Variants in SV2B observed in about 807,000 individuals in gnomAD.
SV2B encodes solute carrier family 22 member B2.
Under a neutral mutation model 73.9 loss-of-function variants are expected in SV2B, and 41 were observed. The ratio of observed to expected loss-of-function variants is 0.56; its 90% CI spans 0.43 to 0.72. The LOEUF (loss-of-function observed/expected upper bound fraction) is 0.72. Among genes scored for constraint, SV2B ranks in the 30% least tolerant of loss-of-function variants. The pLI is 0.00. For missense variants in SV2B, 764 were observed against 857.8 expected (o/e 0.89, Z 1.37); for synonymous variants, 314 against 314.2 (o/e 1.00, Z 0.01).
chr15:91,144,194 A>G (rs1401262003), intron 1 of SV2B, among the ~76,000 whole-genome samples: 3 of 152,256 alleles, frequency 2.0e-5, no homozygotes, highest in Non-Finnish European at 2.9e-5. Context: ...AGAGGAATCA[A>G]GATGAGACTC....
chr15:91,235,167 C>A (rs940874920), intron 2 of SV2B, among the ~76,000 whole-genome samples: 1 of 152,158 alleles, frequency 6.6e-6, no homozygotes, highest in Non-Finnish European at 1.5e-5. Flanking sequence ...TATGCAATTC[C>A]TAAACTAGTC....
intron 1 of SV2B, among the ~76,000 whole-genome samples, chr15:91,171,948 A>T (rs74038094): frequency 4.0e-5 from 6 of 151,898 alleles, no homozygotes; most frequent in Admixed American, 3.9e-4. Flanking sequence ...ACAGCAATCC[A>T]TATCACTCTG....
chr15:91,104,695 C>T (rs909735888), intron 1 of SV2B, among the ~76,000 whole-genome samples: 4 of 152,142 alleles, frequency 2.6e-5, no homozygotes, highest in Admixed American at 2.0e-4. Context: ...TGCAGTGGTG[C>T]GATCTCAGCT....
chr15:91,156,870 A>T (rs1807563193), intron 1 of SV2B, among the ~76,000 whole-genome samples: 1 of 152,164 alleles, frequency 6.6e-6, no homozygotes, highest in Non-Finnish European at 1.5e-5. Flanking sequence ...AGAACAATCT[A>T]CCTCCTTTTT....
Position 91,197,201 on chromosome 15 carries a change from TTG to T in SV2B, c.-391-28668_-391-28667del, listed in dbSNP as rs2045276431. ...AAATGCTGTGATCATTGTTTTGTTT[TTG>T]TGTTTTTTTTGTTTTTTGTTTTGTT... On this transcript the variant is annotated intron_variant, in intron 1 of 12. Coordinates refer to ENST00000394232, the MANE Select transcript of SV2B (RefSeq NM_001323032.3). This position sits in a 1 kb window ranked among gnomAD's most constrained non-coding sequence, Gnocchi z 4.9. Among the ~76,000 whole-genome samples, 2 of 151,360 alleles carry T rather than the reference TTG, an allele frequency of 1.3e-5. No individual in the cohort carries two copies. Among genetic ancestry groups the T allele is most frequent in the African/African-American group, 4.9e-5 (2 of 40,622 alleles).
At chr15:91,119,624 A>G (rs1044419799) in intron 1 of SV2B, among the ~76,000 whole-genome samples, 2 of 152,236 alleles carry the variant, frequency 1.3e-5, no homozygotes, top group Non-Finnish European at 2.9e-5. Flanking sequence ...ACAATTTGGA[A>G]AATAGGAAAA....
At chr15:91,188,918 C>G (rs184907880) in intron 1 of SV2B, among the ~76,000 whole-genome samples, 1 of 151,978 alleles carries the variant, frequency 6.6e-6, no homozygotes. Context: ...CCTCCGCCTC[C>G]CAGGTTCAGG....
chr15:91,287,174 T>C (rs555724098), intron 11 of SV2B, among the ~76,000 whole-genome samples: 12 of 152,288 alleles, frequency 7.9e-5, no homozygotes, highest in South Asian at 4.2e-4. Flanking sequence ...CAGAATCCAG[T>C]TGGACAGTTA....
In SV2B at chr15:91,232,171, CA is replaced by C. The variant is rs2046602967; in HGVS notation, c.451+5461del. Among the ~76,000 whole-genome samples, 1 of 152,106 alleles carries C rather than the reference CA, an allele frequency of 6.6e-6. No individual in the cohort carries two copies. Among genetic ancestry groups the C allele is most frequent in the Non-Finnish European group, 1.5e-5 (1 of 68,012 alleles). On this transcript the variant is annotated intron_variant, in intron 2 of 12. Transcript: ENST00000394232. This position sits in a 1 kb window ranked among gnomAD's most constrained non-coding sequence, Gnocchi z 4.7. ...ATGGAGGGGGGTCACTTCTGTGGCA[CA>C]AAATATGTCCTCAGTGACCAAGTAT...
Position 91,245,522 on chromosome 15 carries a change from G to T in SV2B, c.452-6297G>T, listed in dbSNP as rs1371076458. On this transcript the variant is annotated intron_variant, in intron 2 of 12. Transcript: ENST00000394232. This position sits in a 1 kb window ranked among gnomAD's most constrained non-coding sequence, Gnocchi z 4.2. ...TTGCTTTACCTTTTATACATTTTGGGGGGTATTCCTCAGATTTTCTTACAG... is the reference window on the plus strand; with the variant it reads ...TTGCTTTACCTTTTATACATTTTGGTGGGTATTCCTCAGATTTTCTTACAG... 6.6e-6 allele frequency among the ~76,000 whole-genome samples: 1 copy of T among 152,122 alleles called. No homozygotes were observed. Among genetic ancestry groups the T allele is most frequent in the Admixed American group, 6.5e-5 (1 of 15,278 alleles).
Position 91,183,916 on chromosome 15 carries a change from C to T in SV2B, c.-391-41957C>T, listed in dbSNP as rs553275374. Among the ~76,000 whole-genome samples the T allele has an allele frequency of 5.3e-5, 8 of 152,066 alleles. No homozygotes were observed. The East Asian group carries it at 7.8e-4, about 15-fold the overall frequency. ...CATTGTCATCTGCTCGTCGTTTCTA[C>T]GTGTCTTATTTTCACAACTTGCTTG... On this transcript the variant is annotated intron_variant, in intron 1 of 12. Transcript: ENST00000394232.
chr15:91,262,754 A>G (rs1482868608), intron 6 of SV2B, among the ~76,000 whole-genome samples: 1 of 152,142 alleles, frequency 6.6e-6, no homozygotes, highest in Non-Finnish European at 1.5e-5. Flanking sequence ...AATGCTCCAA[A>G]TGAAAGATGT....
At position 91,137,571 on chromosome 15, in the gene SV2B, TATATATATATATATTTCTC is replaced by T. The variant is rs1246659649; in HGVS notation, c.-392+37226_-392+37244del. Among the ~76,000 whole-genome samples, 15 of 96,820 alleles carry T rather than the reference TATATATATATATATTTCTC, an allele frequency of 1.5e-4. No homozygotes were observed. The highest frequency in any genetic ancestry group is 2.5e-4 in the Non-Finnish European group (11 of 44,776). The allele number at this position is 96,820 out of a possible 152,430, so 63.5% of individuals were successfully genotyped here. A position where few individuals can be genotyped will look rare whatever the true frequency, so the allele number is the denominator to read the frequency against. ...AGGACAAAACTAGGAAAATGTGAAA[TATATATATATATATTTCTC>T]ATATATATATATATTTCATATATAT... On this transcript the variant is annotated intron_variant, in intron 1 of 12. Coordinates refer to ENST00000394232, the MANE Select transcript of SV2B (RefSeq NM_001323032.3). The surrounding 1 kb of genome is among the most constrained non-coding windows in gnomAD (Gnocchi z 4.9).
In SV2B at chr15:91,293,438, T is replaced by A. The variant is rs1369475155; in HGVS notation, c.*886T>A. On this transcript the variant is annotated 3_prime_UTR_variant, in exon 13 of 13. Transcript: ENST00000394232. ...CTGTTGGGAGGATGAATTAACAAACTCACATTGTGCAGTCTGCTTAATCCA... is the reference window on the plus strand; with the variant it reads ...CTGTTGGGAGGATGAATTAACAAACACACATTGTGCAGTCTGCTTAATCCA... 1 of 152,216 alleles carries A rather than the reference T, an allele frequency of 6.6e-6. No individual in the cohort carries two copies. Among genetic ancestry groups the A allele is most frequent in the Non-Finnish European group, 1.5e-5 (1 of 68,036 alleles). The allele number at this position is 152,216 out of a possible 1,614,324, so 9.4% of individuals were successfully genotyped here.
At chr15:91,149,296 G>A (rs2043238257) in intron 1 of SV2B, among the ~76,000 whole-genome samples, 1 of 152,202 alleles carries the variant, frequency 6.6e-6, no homozygotes, top group Non-Finnish European at 1.5e-5. Context: ...TAAGATGAGG[G>A]GATAGGAGTG....
chr15:91,151,455 A>T (rs1007355166), intron 1 of SV2B, among the ~76,000 whole-genome samples: 1 of 152,240 alleles, frequency 6.6e-6, no homozygotes, highest in Admixed American at 6.5e-5. Context: ...TCAGCCTGAG[A>T]CCACTAAGGA....
At chr15:91,266,325 C>G (rs2048099470) in intron 6 of SV2B, among the ~76,000 whole-genome samples, 1 of 152,222 alleles carries the variant, frequency 6.6e-6, no homozygotes, top group Non-Finnish European at 1.5e-5. Flanking sequence ...TATTTCCCTT[C>G]TGCTGTCTCC....
rs2046269998 is a variant in SV2B at position 91,223,134 on chromosome 15, T to C, written c.-391-2739T>C. ...TTTGTCTTCCTTTTGAGCGTGTCTG[T>C]CTCTGTGTCCTTTTGTGAAGACACC... On this transcript the variant is annotated intron_variant, in intron 1 of 12. Coordinates refer to ENST00000394232, the MANE Select transcript of SV2B (RefSeq NM_001323032.3). This position sits in a 1 kb window ranked among gnomAD's most constrained non-coding sequence, Gnocchi z 4.6. Among the ~76,000 whole-genome samples the C allele has an allele frequency of 6.6e-6, 1 of 152,180 alleles. No individual in the cohort carries two copies. Among genetic ancestry groups the C allele is most frequent in the Admixed American group, 6.5e-5 (1 of 15,282 alleles).
rs2141514446 is a variant in SV2B, at chr15:91,231,751, T to C, written c.451+5037T>C. 6.6e-6 allele frequency among the ~76,000 whole-genome samples: 1 copy of C among 152,344 alleles called. No homozygotes were observed. Among genetic ancestry groups the C allele is most frequent in the Non-Finnish European group, 1.5e-5 (1 of 68,036 alleles). On this transcript the variant is annotated intron_variant, in intron 2 of 12. Coordinates refer to ENST00000394232, the MANE Select transcript of SV2B (RefSeq NM_001323032.3). The surrounding 1 kb of genome is among the most constrained non-coding windows in gnomAD (Gnocchi z 4.5). ...GTTTTGCCTGCAGAGTTTTCATTTC[T>C]TGGAAGGATCCAGTGACTTGTGTAT...
Sources: allele counts gnomAD v4.1 joint callset (sites outside exome capture counted in the v4.1 genomes callset), GRCh38; gene constraint gnomAD v4.1.1; non-coding constraint Gnocchi (gnomAD v3.1); transcripts MANE v1.5; gene names NCBI Gene and HGNC (gene_info 2026-07-23, HGNC 2026-07-21).